The following GANC variants were observed in gnomAD, a reference collection of about 807,000 sequenced individuals.
GANC encodes glucosidase alpha, neutral C, also known as neutral alpha-glucosidase C.
In GANC, 117 loss-of-function variants were observed where a neutral mutation model predicts 124.2. The observed-to-expected ratio is 0.94, with a 90% confidence interval of 0.81 to 1.10. The LOEUF (loss-of-function observed/expected upper bound fraction) is 1.10. Ranked by LOEUF, GANC falls within the 50% of genes least tolerant of loss-of-function variation. GANC has a pLI of 0.00. For synonymous variants in GANC, 377 were observed against 376.8 expected (o/e 1.00, Z -0.01); for missense variants, 1,140 against 1,095.0 (o/e 1.04, Z -0.58).
Position 42,310,750 on chromosome 15 carries a change from C to T in GANC, c.961C>T (p.His321Tyr), listed in dbSNP as rs1555413813. 3.7e-6 allele frequency: 6 copies of T among 1,614,172 alleles called. No homozygotes were observed. In the South Asian group the frequency reaches 6.6e-5, roughly 18 times the overall value. Residue 321 changes from histidine (H) to tyrosine (Y), a missense_variant, in exon 10 of 24, where the codon CAT becomes TAT. By Grantham distance (83) the His-to-Tyr change is moderately conservative. Coordinates refer to ENST00000318010, the MANE Select transcript of GANC (RefSeq NM_198141.3). ...TAAACAAAAGGTCAGATCTCGCACT[C>T]ATGTGCACTGGATGTCAGAGAGTGG... The part of the protein sequence containing the change: ...AAKQKVRSRT[H>Y]VHWMSESGII...
At chr15:42,297,481 T>C (rs530019266) in intron 5 of GANC, 130 bp from the exon 6 acceptor site, 16 of 566,896 alleles carry the variant, frequency 2.8e-5, no homozygotes, top group African/African-American at 2.5e-4. Flanking sequence ...ATTTTTATAA[T>C]GATGTTATAT....
At chr15:42,282,873 CTCT>C (rs1340083007) in intron 3 of GANC, among the ~76,000 whole-genome samples, 1 of 152,174 alleles carries the variant, frequency 6.6e-6, no homozygotes, top group African/African-American at 2.4e-5. Context: ...GGTGAGGGCT[CTCT>C]TCTTGGTTTG....
At chr15:42,342,729 TA>T (rs1432668957) in intron 18 of GANC, among the ~76,000 whole-genome samples, 1 of 152,214 alleles carries the variant, frequency 6.6e-6, no homozygotes, top group Non-Finnish European at 1.5e-5. Context: ...CAGCAAACAG[TA>T]AAGCACTTGG....
intron 3 of GANC, among the ~76,000 whole-genome samples, chr15:42,279,658 C>T (rs1369131209): frequency 6.6e-6 from 1 of 152,206 alleles, no homozygotes; most frequent in Admixed American, 6.5e-5. Flanking sequence ...ATCCTGCCTG[C>T]ATTCTAAAGG....
intron 5 of GANC, among the ~76,000 whole-genome samples, chr15:42,293,608 AAT>A (rs750805569): frequency 2.6e-5 from 4 of 151,142 alleles, no homozygotes; most frequent in Non-Finnish European, 4.4e-5. Flanking sequence ...CAGATTAGAA[AAT>A]ATTGAAAAGA....
rs969408047 is a variant in GANC at position 42,352,659 on chromosome 15, G to C, written c.*520G>C. ...TGTGTGCACTGCATACGCTGCAGCC[G>C]TGGGAGTTATTCTCCCCTAGAGATC... On this transcript the variant is annotated 3_prime_UTR_variant, in exon 24 of 24. Transcript: ENST00000318010. 1 of 986,244 alleles carries C rather than the reference G, an allele frequency of 1.0e-6. No homozygotes were observed. Among genetic ancestry groups the C allele is most frequent in the African/African-American group, 1.7e-5 (1 of 57,254 alleles). 61.1% of individuals were successfully genotyped at this position (986,244 alleles called of 1,614,324 possible). A position where few individuals can be genotyped will look rare whatever the true frequency, so the allele number is the denominator to read the frequency against.
At chr15:42,327,201 T>C (rs2141061561) in intron 12 of GANC, among the ~76,000 whole-genome samples, 162 bp from the exon 13 acceptor site, 1 of 152,360 alleles carries the variant, frequency 6.6e-6, no homozygotes, top group East Asian at 1.9e-4. Context: ...AGCCCAGCAT[T>C]ACCTTCCTTC....
At position 42,326,486 on chromosome 15, in the gene GANC, C is replaced by T. The variant is rs144059867; in HGVS notation, c.1420+62C>T. The stretch of plus-strand genomic sequence containing the variant: ...GTTCTGTCCCAATTAATGAAGGCTG[C>T]GTGGTCATCATTCTGCTCCCTTGTA... On this transcript the variant is annotated intron_variant, in intron 12 of 23. Transcript: ENST00000318010. 1.6e-3 allele frequency: 2,496 copies of T among 1,605,994 alleles called. 4 individuals are homozygous for T. The highest frequency in any genetic ancestry group is 1.9e-3 in the Non-Finnish European group (2,221 of 1,175,478).
At chr15:42,330,710 G>A (rs779215557) in intron 15 of GANC, 38 bp downstream of exon 15, 13 of 1,406,772 alleles carry the variant, frequency 9.2e-6, no homozygotes, top group Admixed American at 2.1e-5. Context: ...AAACACATTA[G>A]CAACTTTTTT....
In GANC at chr15:42,301,455, GT is replaced by G. The variant is rs1186820967; in HGVS notation, c.558+3810del. 8.0e-3 allele frequency among the ~76,000 whole-genome samples: 1,187 copies of G among 147,778 alleles called. 14 individuals carry two copies. Among genetic ancestry groups the G allele is most frequent in the African/African-American group, 0.028 (1,123 of 40,478 alleles). On this transcript the variant is annotated intron_variant, in intron 6 of 23. Coordinates refer to ENST00000318010, the MANE Select transcript of GANC (RefSeq NM_198141.3). ...GGCAGACACCGAGCTAGCTGCAGGG[GT>G]TTTTTTTTTTCATACCCCAGTGGCG...
Position 42,349,378 on chromosome 15 carries a change from T to G in GANC, c.2419-5T>G. ...CACATTCTGTCTCTGTGATTCATTC[T>G]CCAGGGTTCTTCAGTGGGTGAGTTA... is the stretch of plus-strand genomic sequence containing the variant. On this transcript the variant is annotated splice_region_variant and splice_polypyrimidine_tract_variant and intron_variant, in intron 21 of 23. Transcript: ENST00000318010. The G allele has an allele frequency of 6.5e-7, 1 of 1,548,820 alleles. No individual in the cohort carries two copies. The highest frequency in any genetic ancestry group is 8.9e-7 in the Non-Finnish European group (1 of 1,120,694).
intron 10 of GANC, among the ~76,000 whole-genome samples, chr15:42,319,799 C>A (rs77982983): frequency 6.6e-6 from 1 of 152,134 alleles, no homozygotes; most frequent in Admixed American, 6.5e-5. Context: ...TTTCATTAAA[C>A]TTACTGGTTG....
intron 3 of GANC, 44 bp from the exon 4 acceptor site, chr15:42,287,647 A>G: frequency 6.3e-7 from 1 of 1,582,224 alleles, no homozygotes; most frequent in Non-Finnish European, 8.5e-7. Flanking sequence ...ATTGGCCATC[A>G]CTTGGGTAAC....
chr15:42,351,523 T>G, intron 23 of GANC, 91 bp downstream of exon 23: 1 of 896,352 alleles, frequency 1.1e-6, no homozygotes. Flanking sequence ...GGAGATAATA[T>G]GCTGAGCCTG....
intron 6 of GANC, among the ~76,000 whole-genome samples, chr15:42,306,039 T>TA (rs1338410812): frequency 6.6e-6 from 1 of 150,794 alleles, no homozygotes; most frequent in Non-Finnish European, 1.5e-5. Flanking sequence ...TATTTTTTTT[T>TA]TTTTTGAGAC....
intron 6 of GANC, among the ~76,000 whole-genome samples, chr15:42,299,412 G>A (rs2051923977): frequency 6.6e-6 from 1 of 152,172 alleles, no homozygotes; most frequent in Admixed American, 6.5e-5. Context: ...AGATGAAGCT[G>A]ACTTGATCGT....
intron 7 of GANC, 76 bp downstream of exon 7, chr15:42,306,688 G>T (rs1363356143): frequency 1.3e-5 from 13 of 996,630 alleles, no homozygotes; most frequent in Non-Finnish European, 1.8e-5. Context: ...AAAGCCCCTT[G>T]ATCTCTGGCA....
chr15:42,277,498 C>G (rs1312041569), intron 2 of GANC, among the ~76,000 whole-genome samples: 1 of 151,168 alleles, frequency 6.6e-6, no homozygotes, highest in African/African-American at 2.4e-5. Context: ...CCATTGCACT[C>G]CAGCCTGGGC....
Position 42,310,601 on chromosome 15 carries a change from A to G in GANC, c.904-92A>G, listed in dbSNP as rs985570440. ...AGTGTAATCAGTGAATATCAGTAGT[A>G]TCTACTAAAGGATCAGACTGTTACT... On this transcript the variant is annotated intron_variant, in intron 9 of 23. Coordinates refer to ENST00000318010, the MANE Select transcript of GANC (RefSeq NM_198141.3). The G allele has an allele frequency of 6.7e-6, 10 of 1,503,694 alleles. No homozygotes were observed. In the African/African-American group the frequency reaches 1.4e-4, roughly 21 times the overall value. The allele number at this position is 1,503,694 out of a possible 1,614,324, so 93.1% of individuals were successfully genotyped here. A position where few individuals can be genotyped will look rare whatever the true frequency, so the allele number is the denominator to read the frequency against.
Sources: gnomAD v4.1 joint callset for allele counts (sites outside exome capture counted in the v4.1 genomes callset) on GRCh38, gnomAD v4.1.1 for gene constraint, MANE v1.5 for transcripts, NCBI Gene and HGNC (gene_info 2026-07-23, HGNC 2026-07-21) for gene names.